Variants in ALPK3 observed in about 807,000 individuals in gnomAD.
ALPK3 encodes alpha-protein kinase 3.
A neutral mutation model predicts 140.0 loss-of-function variants in ALPK3; 102 were observed. That is an observed-to-expected ratio of 0.73 (90% CI 0.62 to 0.86). The LOEUF is 0.86. Ranked by LOEUF, ALPK3 falls within the 40% of genes least tolerant of loss-of-function variation. ALPK3 has a pLI of 0.00. For synonymous variants in ALPK3, 938 were observed against 898.5 expected (o/e 1.04, Z -0.79); for missense variants, 2,254 against 2,208.2 (o/e 1.02, Z -0.42).
Position 84,856,779 on chromosome 15 carries a change from C to T in ALPK3, c.2041C>T (p.Gln681Ter). Residue 681 changes from glutamine (Q) to a stop codon, truncating the protein, a stop_gained, in exon 6 of 14, where the codon CAG (glutamine) becomes TAG (stop). Coordinates refer to ENST00000258888, the MANE Select transcript of ALPK3 (RefSeq NM_020778.5). LOFTEE classifies it high-confidence loss of function. Reference protein sequence around the residue: ...LETTQAGEKIQEDRKAQADKG... With the variant: ...LETTQAGEKI Reference sequence around the variant, plus strand: ...AACAACACAGGCAGGTGAGAAGATACAGGAAGACAGGAAGGCCCAGGCAGA... The same window carrying T: ...AACAACACAGGCAGGTGAGAAGATATAGGAAGACAGGAAGGCCCAGGCAGA... 1 of 1,613,974 alleles carries T rather than the reference C, an allele frequency of 6.2e-7. No homozygotes were observed. The highest frequency in any genetic ancestry group is 8.5e-7 in the Non-Finnish European group (1 of 1,180,008).
At position 84,857,010 on chromosome 15, in the gene ALPK3, C is replaced by A; in HGVS notation, c.2272C>A (p.Gln758Lys). 6.2e-7 allele frequency: 1 copy of A among 1,614,154 alleles called. No individual in the cohort carries two copies. The highest frequency in any genetic ancestry group is 8.5e-7 in the Non-Finnish European group (1 of 1,180,028). ...TCCTCTGAATATTGAATGTTTTGTA[C>A]AGACCCCAGAAGGGTCTTGTTTCCC... is the stretch of plus-strand genomic sequence containing the variant. ...RAPLNIECFV[Q>K]TPEGSCFPKK... Residue 758 changes from glutamine to lysine, a missense_variant, in exon 6 of 14, where the codon CAG becomes AAG. Around this residue, in one of 3 missense-constraint regions of ALPK3, gnomAD observed 2,088 missense variants for 2,022.9 expected, o/e 1.03. Coordinates refer to ENST00000258888, the MANE Select transcript of ALPK3 (RefSeq NM_020778.5).
chr15:84,859,850 C>G lies in ALPK3; in HGVS notation c.4040C>G (p.Thr1347Ser). The G allele has an allele frequency of 6.2e-7, 1 of 1,614,116 alleles. No homozygotes were observed. Among genetic ancestry groups the G allele is most frequent in the South Asian group, 1.1e-5 (1 of 91,084 alleles). The change falls in exon 8 of 14, where the codon ACC (threonine) becomes AGC (serine). Residue 1347 changes from threonine to serine, a missense_variant. By Grantham distance (58) the Thr-to-Ser change is moderately conservative. This residue lies in a region of ALPK3 where 2,088 missense variants were observed against 2,022.9 expected (regional missense o/e 1.03). Coordinates refer to ENST00000258888, the MANE Select transcript of ALPK3 (RefSeq NM_020778.5). ...GTAGACTGCGGTGTGTATCGGTGCA[C>G]CATCCACAATGAGCACGGCTCGGCC... ...SPVDCGVYRC[T>S]IHNEHGSAST...
chr15:84,826,770 C>T (rs1466651586), intron 2 of ALPK3, among the ~76,000 whole-genome samples: 1 of 152,118 alleles, frequency 6.6e-6, no homozygotes, highest in Non-Finnish European at 1.5e-5. Flanking sequence ...GAGCAGCCAA[C>T]CATGTTTCAC....
intron 3 of ALPK3, among the ~76,000 whole-genome samples, chr15:84,835,950 G>A (rs554203512): frequency 3.0e-4 from 46 of 152,352 alleles, no homozygotes; most frequent in African/African-American, 1.0e-3. Context: ...CTGCTGTCAT[G>A]GAGCTGATAT....
chr15:84,844,862 A>T (rs897047372), intron 5 of ALPK3, among the ~76,000 whole-genome samples: 1 of 152,238 alleles, frequency 6.6e-6, no homozygotes, highest in Non-Finnish European at 1.5e-5. Flanking sequence ...GTCTCAAAAA[A>T]AAAAAGGTGG....
At chr15:84,828,020 T>C (rs562687731) in intron 3 of ALPK3, among the ~76,000 whole-genome samples, 10 of 152,324 alleles carry the variant, frequency 6.6e-5, no homozygotes, top group African/African-American at 2.2e-4. Flanking sequence ...GTGGTGATTC[T>C]GACTACAGAC....
intron 2 of ALPK3, among the ~76,000 whole-genome samples, chr15:84,826,317 A>C (rs1466451582): frequency 6.6e-6 from 1 of 152,208 alleles, no homozygotes; most frequent in Non-Finnish European, 1.5e-5. Flanking sequence ...ACAGACAAAC[A>C]TTGCCCTTGG....
Position 84,868,706 on chromosome 15 carries a change from C to T in ALPK3, c.*250C>T, listed in dbSNP as rs1007731150. The T allele has an allele frequency of 9.0e-6, 5 of 558,338 alleles. No individual in the cohort carries two copies. The highest frequency in any genetic ancestry group is 7.5e-5 in the African/African-American group (4 of 53,206). 34.6% of individuals were successfully genotyped at this position (558,338 alleles called of 1,614,324 possible). On this transcript the variant is annotated 3_prime_UTR_variant, in exon 14 of 14. Coordinates refer to ENST00000258888, the MANE Select transcript of ALPK3 (RefSeq NM_020778.5). ...CTCCCGGGCCTCAAGCAGTCCCCAC[C>T]TCCAAGTGCCTGGCAACCTAGGCCC... is the stretch of plus-strand genomic sequence containing the variant.
At chr15:84,828,899 T>C (rs1392812143) in intron 3 of ALPK3, among the ~76,000 whole-genome samples, 1 of 152,226 alleles carries the variant, frequency 6.6e-6, no homozygotes, top group Non-Finnish European at 1.5e-5. Flanking sequence ...CTGCATCTCC[T>C]GTGTTACTGT....
chr15:84,864,524 G>C lies in ALPK3; in HGVS notation c.4582G>C (p.Glu1528Gln), dbSNP rs1380478280. 1 of 1,614,180 alleles carries C rather than the reference G, an allele frequency of 6.2e-7. No homozygotes were observed. Among genetic ancestry groups the C allele is most frequent in the Admixed American group, 1.7e-5 (1 of 60,028 alleles). The change falls in exon 12 of 14, where the codon GAG (glutamate) becomes CAG (glutamine). Residue 1528 changes from glutamate to glutamine, a missense_variant. By Grantham distance (29) the Glu-to-Gln change is conservative. This residue lies in a region of ALPK3 where 2,088 missense variants were observed against 2,022.9 expected (regional missense o/e 1.03). Transcript: ENST00000258888. ...GGAGGAAGACCTGGGCAAGCCCCTG[G>C]AGTCTTACTGTTCTCGGGAATGGGG... ...TLEEDLGKPL[E>Q]SYCSREWGCA... is the part of the protein sequence containing the mutation.
In ALPK3 at chr15:84,856,637, A is replaced by G. The variant is rs1156921254; in HGVS notation, c.1899A>G (p.Thr633=). The G allele has an allele frequency of 6.2e-7, 1 of 1,614,156 alleles. No homozygotes were observed. Among genetic ancestry groups the G allele is most frequent in the Admixed American group, 1.7e-5 (1 of 60,020 alleles). Residue 633 remains threonine (T), a synonymous_variant, in exon 6 of 14, where the codon ACA becomes ACG. Coordinates refer to ENST00000258888, the MANE Select transcript of ALPK3 (RefSeq NM_020778.5). ...RGDGTQTAQR[T]RADRKTQVDA... is the part of the protein sequence containing the mutation. ...ATGGAACACAGACAGCCCAGAGGACACGTGCAGATAGGAAGACGCAGGTGG... is the reference window on the plus strand; with the variant it reads ...ATGGAACACAGACAGCCCAGAGGACGCGTGCAGATAGGAAGACGCAGGTGG...
intron 3 of ALPK3, among the ~76,000 whole-genome samples, chr15:84,829,415 A>T (rs1963522119): frequency 6.6e-6 from 1 of 152,246 alleles, no homozygotes; most frequent in Non-Finnish European, 1.5e-5. Context: ...TGCAAAGGAA[A>T]AAGAATACTG....
chr15:84,823,577 G>A (rs2141546241), intron 2 of ALPK3, among the ~76,000 whole-genome samples: 1 of 152,168 alleles, frequency 6.6e-6, no homozygotes, highest in Non-Finnish European at 1.5e-5. Flanking sequence ...CATTTGAGAT[G>A]GGCACAGGAT....
At chr15:84,863,200 C>A (rs542662872) in intron 10 of ALPK3, among the ~76,000 whole-genome samples, 3 of 152,218 alleles carry the variant, frequency 2.0e-5, no homozygotes, top group South Asian at 2.1e-4. Context: ...CTCATGGAAG[C>A]CTTGTTTATA....
In ALPK3 at chr15:84,857,206, C is replaced by A. The variant is rs1409532278; in HGVS notation, c.2468C>A (p.Ser823Ter). Reference protein sequence around the residue: ...VGGERCRGPQSSGPVEAKQED... With the variant: ...VGGERCRGPQ The stretch of plus-strand genomic sequence containing the variant: ...GGAGAGAGATGCCGAGGGCCACAGT[C>A]ATCAGGCCCAGTCGAGGCCAAGCAG... Residue 823 changes from serine (S) to a stop codon, truncating the protein, a stop_gained, in exon 6 of 14, where the codon TCA (serine) becomes TAA (stop). Coordinates refer to ENST00000258888, the MANE Select transcript of ALPK3 (RefSeq NM_020778.5). LOFTEE classifies it high-confidence loss of function. 1 of 1,614,020 alleles carries A rather than the reference C, an allele frequency of 6.2e-7. No homozygotes were observed. The highest frequency in any genetic ancestry group is 8.5e-7 in the Non-Finnish European group (1 of 1,179,944).
chr15:84,840,794 TCCAGAATGCGGGGC>T lies in ALPK3; in HGVS notation c.1521_1534del (p.Cys508LeufsTer58), dbSNP rs1963654567. ...AGCCCATTTCTTCTCTGAGTCAAGCTCCAGAATGCGGGGCCCAGAGCTTAGGAAAGGCCCCACCT... is the reference window on the plus strand; with the variant it reads ...AGCCCATTTCTTCTCTGAGTCAAGCTCCAGAGCTTAGGAAAGGCCCCACCT... On this transcript the variant is annotated frameshift_variant, in exon 5 of 14. Coordinates refer to ENST00000258888, the MANE Select transcript of ALPK3 (RefSeq NM_020778.5). LOFTEE classifies it high-confidence loss of function. 6.2e-7 allele frequency: 1 copy of T among 1,614,080 alleles called. No individual in the cohort carries two copies. The highest frequency in any genetic ancestry group is 8.5e-7 in the Non-Finnish European group (1 of 1,180,042).
At chr15:84,821,507 C>T (rs1963422678) in intron 1 of ALPK3, among the ~76,000 whole-genome samples, 1 of 152,170 alleles carries the variant, frequency 6.6e-6, no homozygotes, top group African/African-American at 2.4e-5. Context: ...TGGAGTTGGC[C>T]AGTGCCTTGG....
chr15:84,845,438 C>G (rs379031), intron 5 of ALPK3, among the ~76,000 whole-genome samples: 65,034 of 151,452 alleles, frequency 0.43, 14,862 homozygotes, highest in Middle Eastern at 0.54. Context: ...ATGTGTGAAA[C>G]AATGTGGCAG....
Position 84,868,868 on chromosome 15 carries a change from A to T in ALPK3, c.*412A>T. ...AGTGAGGACATGCAGGCCAACTTTT[A>T]CCCTCCTGCATTTGCCTGGCCCTGA... On this transcript the variant is annotated 3_prime_UTR_variant, in exon 14 of 14. Coordinates refer to ENST00000258888, the MANE Select transcript of ALPK3 (RefSeq NM_020778.5). 1 of 191,280 alleles carries T rather than the reference A, an allele frequency of 5.2e-6. No homozygotes were observed. The highest frequency in any genetic ancestry group is 1.1e-5 in the Non-Finnish European group (1 of 91,378). The allele number at this position is 191,280 out of a possible 1,614,324, so 11.8% of individuals were successfully genotyped here.
Sources: gnomAD v4.1 joint callset for allele counts (sites outside exome capture counted in the v4.1 genomes callset) on GRCh38, gnomAD v4.1.1 for gene constraint, gnomAD v4.1.1 regional missense constraint, MANE v1.5 for transcripts, NCBI Gene and HGNC (gene_info 2026-07-23, HGNC 2026-07-21) for gene names.